The following SYTL5 variants were observed in gnomAD, a reference collection of about 807,000 sequenced individuals.
SYTL5 encodes the protein synaptotagmin-like protein 5.
SYTL5 carries 34 observed loss-of-function variants against 55.9 expected under a neutral mutation model. The ratio of observed to expected loss-of-function variants is 0.61; its 90% CI spans 0.46 to 0.81. The LOEUF (loss-of-function observed/expected upper bound fraction) is 0.81, where lower values mean the gene tolerates loss of function less well. Ranked by LOEUF, SYTL5 falls within the 30% of genes least tolerant of loss-of-function variation. The probability of loss-of-function intolerance (pLI) is 0.00; values close to 1 mark genes in which losing one functional copy is unlikely to be tolerated. For missense variants in SYTL5, 637 were observed against 546.7 expected, an observed-to-expected ratio of 1.17 and a Z score of -1.65; for synonymous variants, 221 against 188.7, an observed-to-expected ratio of 1.17 and a Z score of -1.40.
At chrX:38,032,493 A>T (rs964561200) in intron 1 of SYTL5, among the ~76,000 whole-genome samples, 1 of 111,431 alleles carries the variant, frequency 9.0e-6, no homozygotes, top group Non-Finnish European at 1.9e-5. Flanking sequence ...ATCATGAGAT[A>T]TAAACACTCA....
At chrX:38,063,226 C>T (rs1936004448) in intron 3 of SYTL5, among the ~76,000 whole-genome samples, 2 of 111,372 alleles carry the variant, frequency 1.8e-5, no homozygotes, top group Admixed American at 1.9e-4. Flanking sequence ...TCTAATTTAG[C>T]AAATTTTCAT....
intron 1 of SYTL5, among the ~76,000 whole-genome samples, chrX:38,024,270 G>A (rs1404171865): frequency 9.1e-6 from 1 of 109,705 alleles, no homozygotes; most frequent in Non-Finnish European, 1.9e-5. Context: ...TAAGTCTCAC[G>A]AGATATGATG....
chrX:37,904,361 G>GT, the SYTL5 span, among the ~76,000 whole-genome samples: 7 of 107,144 alleles, frequency 6.5e-5, no homozygotes, highest in Non-Finnish European at 1.3e-4. Context: ...AGAATGCAGA[G>GT]TGGGGGGGAC....
the SYTL5 span, among the ~76,000 whole-genome samples, chrX:37,914,047 A>G: frequency 3.6e-5 from 4 of 112,195 alleles, no homozygotes; most frequent in Non-Finnish European, 7.5e-5. Flanking sequence ...TTGGTGTACA[A>G]AGATGAAAAT....
At chrX:38,047,520 GC>G (rs1014298749) in intron 2 of SYTL5, among the ~76,000 whole-genome samples, 1 of 112,728 alleles carries the variant, frequency 8.9e-6, no homozygotes. Flanking sequence ...GAGACCCTGG[GC>G]CCTGCCCATG....
the SYTL5 span, among the ~76,000 whole-genome samples, chrX:37,891,455 G>A: frequency 8.9e-6 from 1 of 111,782 alleles, no homozygotes; most frequent in Non-Finnish European, 1.9e-5. Flanking sequence ...GTAGATTAGT[G>A]CTTGCCTAAG....
intron 13 of SYTL5, among the ~76,000 whole-genome samples, chrX:38,117,629 G>A (rs1341431816): frequency 1.8e-5 from 2 of 111,783 alleles, no homozygotes; most frequent in African/African-American, 3.3e-5. Flanking sequence ...AGGGTTTCTG[G>A]CGCCACTGCA....
Position 38,106,768 on chromosome X carries a change from A to G in SYTL5, c.1331A>G (p.Asp444Gly). 1 of 1,192,676 alleles carries G rather than the reference A, an allele frequency of 8.4e-7. No homozygotes were observed. Among genetic ancestry groups the G allele is most frequent in the Non-Finnish European group, 1.1e-6 (1 of 885,902 alleles). ...AIGDEKKQRT[D>G]AYVKSYLLPD... ...GGAGATGAAAAGAAACAGAGGACAGATGCGTAAGCACATAGCATGTTCCTC... is the reference window on the plus strand; with the variant it reads ...GGAGATGAAAAGAAACAGAGGACAGGTGCGTAAGCACATAGCATGTTCCTC... The change falls in exon 11 of 17, where the codon GAT becomes GGT. Residue 444 changes from aspartate (D) to glycine (G), a missense_variant. Coordinates refer to ENST00000297875, the MANE Select transcript of SYTL5 (RefSeq NM_138780.3).
chrX:37,901,921 C>T, the SYTL5 span, among the ~76,000 whole-genome samples: 1 of 111,714 alleles, frequency 9.0e-6, no homozygotes, highest in Non-Finnish European at 1.9e-5. Context: ...CTAGATTAGA[C>T]TACATGGGCC....
the SYTL5 span, among the ~76,000 whole-genome samples, chrX:37,892,275 C>G: frequency 9.2e-6 from 1 of 109,281 alleles, no homozygotes; most frequent in African/African-American, 3.3e-5. Context: ...GTAAAGCACA[C>G]GACATTGGAG....
intron 5 of SYTL5, among the ~76,000 whole-genome samples, chrX:38,075,706 T>C (rs772042280): frequency 9.4e-4 from 105 of 112,200 alleles, no homozygotes; most frequent in African/African-American, 3.3e-3. Context: ...AATGACACTA[T>C]TCCAGGAGTC....
intron 15 of SYTL5, among the ~76,000 whole-genome samples, chrX:38,124,160 T>C (rs1569195876): frequency 9.0e-6 from 1 of 111,453 alleles, no homozygotes; most frequent in Non-Finnish European, 1.9e-5. Flanking sequence ...CAGGACACTT[T>C]CCAGATGTAA....
At chrX:37,932,432 G>A in the SYTL5 span, among the ~76,000 whole-genome samples, 4 of 112,177 alleles carry the variant, frequency 3.6e-5, no homozygotes, top group Admixed American at 9.4e-5. Flanking sequence ...TCAAGACAGA[G>A]TTGAGGAGAG....
At chrX:38,052,953 T>A (rs943651737) in intron 2 of SYTL5, among the ~76,000 whole-genome samples, 2 of 112,307 alleles carry the variant, frequency 1.8e-5, no homozygotes, top group Admixed American at 1.9e-4. Context: ...GAATAAACAG[T>A]GAAGCTTTTA....
chrX:37,982,205 TAG>T, the SYTL5 span, among the ~76,000 whole-genome samples: 8 of 111,734 alleles, frequency 7.2e-5, no homozygotes, highest in South Asian at 3.0e-3. Flanking sequence ...CCACATCAAA[TAG>T]AGTTTACTAA....
chrX:38,094,297 G>A lies in SYTL5; in HGVS notation c.834G>A (p.Glu278=), dbSNP rs1936870451. The change falls in exon 8 of 17, where the codon GAG becomes GAA. Residue 278 remains glutamate (E), a splice_region_variant and synonymous_variant. Transcript: ENST00000297875. ...TCTCATTTTTACTTTGTGGGAAGGA[G>A]TATGGTTTTGAAAATTCCATGGATT... ...TRTVTSVISR[E]YGFENSMDLA... 2 of 1,195,134 alleles carry A rather than the reference G, an allele frequency of 1.7e-6. No homozygotes were observed. Among genetic ancestry groups the A allele is most frequent in the Non-Finnish European group, 2.3e-6 (2 of 884,581 alleles).
At chrX:37,903,870 G>A in the SYTL5 span, among the ~76,000 whole-genome samples, 1 of 110,988 alleles carries the variant, frequency 9.0e-6, no homozygotes, top group Admixed American at 9.6e-5. Context: ...GAAGTACTGT[G>A]AGCTTCCTTC....
At chrX:37,918,946 A>T in the SYTL5 span, among the ~76,000 whole-genome samples, 1 of 105,067 alleles carries the variant, frequency 9.5e-6, no homozygotes. Context: ...AGTGTGAGTG[A>T]GTGTGTGTGT....
intron 2 of SYTL5, among the ~76,000 whole-genome samples, chrX:38,053,780 A>G (rs1204346790): frequency 3.6e-5 from 4 of 112,391 alleles, no homozygotes; most frequent in Non-Finnish European, 5.6e-5. Context: ...CTCTAGTGTT[A>G]TGGTATCAAA....
Sources: gnomAD v4.1 joint callset for allele counts (sites outside exome capture counted in the v4.1 genomes callset) on GRCh38, gnomAD v4.1.1 for gene constraint, MANE v1.5 for transcripts, NCBI Gene and HGNC (gene_info 2026-07-23, HGNC 2026-07-21) for gene names.